Variants in CACNA2D3 observed in about 807,000 individuals in gnomAD.
CACNA2D3 encodes the protein voltage-dependent calcium channel subunit alpha-2/delta-3.
CACNA2D3 carries 60 observed loss-of-function variants against 160.6 expected under a neutral mutation model. That is an observed-to-expected ratio of 0.37 (90% CI 0.30 to 0.46). The LOEUF is 0.46. Ranked by LOEUF, CACNA2D3 falls within the 20% of genes least tolerant of loss-of-function variation. The probability of loss-of-function intolerance (pLI) is 1.00; values close to 1 mark genes in which losing one functional copy is unlikely to be tolerated. For missense variants in CACNA2D3, 1,205 were observed against 1,365.0 expected (o/e 0.88, Z 1.85); for synonymous variants, 558 against 492.9 (o/e 1.13, Z -1.75).
chr3:54,680,474 C>A (rs1453925389), intron 11 of CACNA2D3, among the ~76,000 whole-genome samples: 1 of 152,200 alleles, frequency 6.6e-6, no homozygotes. Context: ...ATGGCCCCTA[C>A]CCCCAGCCTG....
chr3:54,198,986 C>A (rs1701129095), intron 2 of CACNA2D3, among the ~76,000 whole-genome samples: 1 of 152,120 alleles, frequency 6.6e-6, no homozygotes, highest in Non-Finnish European at 1.5e-5. Context: ...TCTTCCTGTC[C>A]CTATCCCTTT....
chr3:54,415,378 C>T (rs1699739041), intron 4 of CACNA2D3, among the ~76,000 whole-genome samples: 2 of 152,114 alleles, frequency 1.3e-5, no homozygotes, highest in African/African-American at 2.4e-5. Context: ...CATAAATTTT[C>T]CACTCTTATT....
chr3:54,382,058 C>T (rs1222808479), intron 3 of CACNA2D3, among the ~76,000 whole-genome samples: 1 of 152,220 alleles, frequency 6.6e-6, no homozygotes, highest in South Asian at 2.1e-4. Context: ...TCTTACCTCA[C>T]AGCTCAGTTC....
intron 31 of CACNA2D3, among the ~76,000 whole-genome samples, chr3:54,993,885 AGTGTGT>A (rs34012508): frequency 0.029 from 3,213 of 111,516 alleles, 99 homozygotes; most frequent in African/African-American, 0.085. Flanking sequence ...TGCAACTGCT[AGTGTGT>A]GTGTGTGTGT....
At chr3:54,495,699 A>G (rs1023371918) in intron 4 of CACNA2D3, among the ~76,000 whole-genome samples, 21 of 152,162 alleles carry the variant, frequency 1.4e-4, no homozygotes, top group African/African-American at 4.8e-4. Flanking sequence ...CAGTGAGCCA[A>G]GATCAGGCCA....
chr3:54,794,960 A>G (rs1702838413), intron 13 of CACNA2D3, among the ~76,000 whole-genome samples: 2 of 152,084 alleles, frequency 1.3e-5, no homozygotes, highest in Non-Finnish European at 2.9e-5. Flanking sequence ...AAAGATATTT[A>G]GTCATTATTT....
intron 4 of CACNA2D3, among the ~76,000 whole-genome samples, chr3:54,477,150 C>T (rs980122713): frequency 6.6e-6 from 1 of 152,024 alleles, no homozygotes; most frequent in African/African-American, 2.4e-5. Context: ...ATGATACCAA[C>T]AGATAATTCT....
At chr3:54,589,190 T>C (rs528598595) in intron 9 of CACNA2D3, among the ~76,000 whole-genome samples, 2 of 152,082 alleles carry the variant, frequency 1.3e-5, no homozygotes, top group African/African-American at 2.4e-5. Context: ...ATTAATGGAA[T>C]AGAATAGAGA....
Position 54,793,476 on chromosome 3 carries a change from T to C in CACNA2D3, c.1381-23377T>C, listed in dbSNP as rs6805016. Among the ~76,000 whole-genome samples the C allele has an allele frequency of 7.6e-3, 1,159 of 152,348 alleles. 14 individuals are homozygous for C. The highest frequency in any genetic ancestry group is 0.026 in the African/African-American group (1,076 of 41,578). ...TATATCTGTGCGAGAGGTTTAATAATGAGATGGTTTGGCCTGTGTGGCCTC... is the reference window on the plus strand; with the variant it reads ...TATATCTGTGCGAGAGGTTTAATAACGAGATGGTTTGGCCTGTGTGGCCTC... On this transcript the variant is annotated intron_variant, in intron 13 of 37. Coordinates refer to ENST00000474759, the MANE Select transcript of CACNA2D3 (RefSeq NM_018398.3).
intron 11 of CACNA2D3, among the ~76,000 whole-genome samples, chr3:54,731,852 C>G (rs1203275998): frequency 6.6e-6 from 1 of 152,018 alleles, no homozygotes; most frequent in Admixed American, 6.6e-5. Flanking sequence ...CACTTCAGAA[C>G]AAGCAGAAAC....
chr3:55,045,625 T>C (rs909172661), intron 35 of CACNA2D3, among the ~76,000 whole-genome samples: 1 of 152,222 alleles, frequency 6.6e-6, no homozygotes, highest in Non-Finnish European at 1.5e-5. Flanking sequence ...TTTGGTAGTT[T>C]GTGTCTTTCA....
chr3:54,326,963 G>T (rs1026463198), intron 3 of CACNA2D3, among the ~76,000 whole-genome samples: 2 of 152,072 alleles, frequency 1.3e-5, no homozygotes, highest in Admixed American at 6.6e-5. Context: ...GGTAAACTGG[G>T]TCGCTTGCAA....
At chr3:55,023,799 T>C (rs1028105760) in intron 35 of CACNA2D3, among the ~76,000 whole-genome samples, 3 of 151,910 alleles carry the variant, frequency 2.0e-5, no homozygotes, top group Non-Finnish European at 4.4e-5. Flanking sequence ...ATACATATTT[T>C]TCCTAAGCAG....
intron 4 of CACNA2D3, among the ~76,000 whole-genome samples, chr3:54,473,564 A>G (rs1008465918): frequency 6.6e-6 from 1 of 152,238 alleles, no homozygotes; most frequent in African/African-American, 2.4e-5. Context: ...GCTTCTGCAC[A>G]GCAAAAGAAA....
At chr3:54,332,479 G>T (rs1339873749) in intron 3 of CACNA2D3, among the ~76,000 whole-genome samples, 1 of 152,184 alleles carries the variant, frequency 6.6e-6, no homozygotes, top group Admixed American at 6.5e-5. Context: ...TAGGACACGT[G>T]AGCATGCATG....
In CACNA2D3 at chr3:54,186,036, A is replaced by G. The variant is rs548104423; in HGVS notation, c.204+62442A>G. Reference sequence around the variant, plus strand: ...GTATCCTCTGTTCCAGCCCTAAGCAACTGTGCTGCCATCACTCCTTTCTTT... The same window carrying G: ...GTATCCTCTGTTCCAGCCCTAAGCAGCTGTGCTGCCATCACTCCTTTCTTT... On this transcript the variant is annotated intron_variant, in intron 2 of 37. Transcript: ENST00000474759. Among the ~76,000 whole-genome samples, 20 of 152,248 alleles carry G rather than the reference A, an allele frequency of 1.3e-4. 1 individual carries two copies. In the South Asian group the frequency reaches 3.9e-3, roughly 30 times the overall value.
At chr3:54,822,790 C>CCTTTCTTTCTTTCTTTCTTTCTTT (rs71096453) in intron 14 of CACNA2D3, among the ~76,000 whole-genome samples, 14 of 71,954 alleles carry the variant, frequency 1.9e-4, no homozygotes, top group Admixed American at 6.1e-4. Flanking sequence ...TTCTTTCTTT[C>CCTTTCTTTCTTTCTTTCTTTCTTT]CTTTCTTTCT....
intron 2 of CACNA2D3, among the ~76,000 whole-genome samples, chr3:54,286,816 C>A (rs1703040515): frequency 6.6e-6 from 1 of 151,906 alleles, no homozygotes; most frequent in African/African-American, 2.4e-5. Flanking sequence ...AATTTCATAT[C>A]CAGCCAAACT....
chr3:55,071,969 A>ATATT (rs1377847834), intron 35 of CACNA2D3, among the ~76,000 whole-genome samples: 1 of 152,230 alleles, frequency 6.6e-6, no homozygotes, highest in Non-Finnish European at 1.5e-5. Context: ...CAGGTAGAAT[A>ATATT]TATTTATGTT....
Sources: allele counts gnomAD v4.1 joint callset (sites outside exome capture counted in the v4.1 genomes callset), GRCh38; gene constraint gnomAD v4.1.1; transcripts MANE v1.5; gene names NCBI Gene and HGNC (gene_info 2026-07-23, HGNC 2026-07-21).